The following KLRG1 variants were observed in gnomAD, a reference collection of about 807,000 sequenced individuals.
The protein encoded by KLRG1 is killer cell lectin like receptor G1.
In KLRG1, 16 loss-of-function variants were observed where a neutral mutation model predicts 21.8. The ratio of observed to expected loss-of-function variants is 0.73; its 90% CI spans 0.50 to 1.11. The LOEUF (loss-of-function observed/expected upper bound fraction) is 1.11, where lower values mean the gene tolerates loss of function less well. Among genes scored for constraint, KLRG1 ranks in the 50% most tolerant of loss-of-function variants. The probability of loss-of-function intolerance (pLI) is 0.00; values close to 1 mark genes in which losing one functional copy is unlikely to be tolerated. For synonymous variants in KLRG1, 69 were observed against 75.9 expected (o/e 0.91, Z 0.47); for missense variants, 173 against 218.3 (o/e 0.79, Z 1.31).
chr12:9,179,409 AAAAT>A, the KLRG1 span, among the ~76,000 whole-genome samples: 1 of 152,318 alleles, frequency 6.6e-6, no homozygotes, highest in East Asian at 1.9e-4. Context: ...TAATAATAAT[AAAAT>A]AAATAAATCA....
the KLRG1 span, among the ~76,000 whole-genome samples, chr12:9,080,934 A>G: frequency 2.0e-5 from 3 of 152,194 alleles, no homozygotes; most frequent in Non-Finnish European, 4.4e-5. Flanking sequence ...TGCTTGACTC[A>G]CTGAAAATAA....
At chr12:9,151,363 T>A in the KLRG1 span, among the ~76,000 whole-genome samples, 2 of 152,258 alleles carry the variant, frequency 1.3e-5, no homozygotes, top group Non-Finnish European at 2.9e-5. Flanking sequence ...TTTTTTCTAT[T>A]GATTTTGTAC....
At chr12:9,160,486 G>A in the KLRG1 span, 2 of 1,610,476 alleles carry the variant, frequency 1.2e-6, no homozygotes, top group African/African-American at 2.7e-5. Context: ...AACCTAATAT[G>A]TCACCTGGGG....
At chr12:9,085,544 C>T in the KLRG1 span, among the ~76,000 whole-genome samples, 7 of 151,292 alleles carry the variant, frequency 4.6e-5, no homozygotes, top group Non-Finnish European at 1.0e-4. Flanking sequence ...ACAATAAACA[C>T]CAAAAAAGAA....
intron 3 of KLRG1, among the ~76,000 whole-genome samples, chr12:9,004,356 C>G (rs943497562): frequency 6.6e-6 from 1 of 152,216 alleles, no homozygotes; most frequent in African/African-American, 2.4e-5. Flanking sequence ...CACATCCTCT[C>G]CAGCACCTGT....
At chr12:9,203,443 G>A in the KLRG1 span, among the ~76,000 whole-genome samples, 16 of 147,878 alleles carry the variant, frequency 1.1e-4, no homozygotes, top group African/African-American at 4.0e-4. Flanking sequence ...CCGGGTTCAC[G>A]CCATTCTCCT....
the KLRG1 span, among the ~76,000 whole-genome samples, chr12:9,159,651 GAGA>G: frequency 6.6e-6 from 1 of 151,790 alleles, no homozygotes; most frequent in Non-Finnish European, 1.5e-5. Flanking sequence ...AAGAAAAGAA[GAGA>G]AGGAGAGACC....
the KLRG1 span, among the ~76,000 whole-genome samples, chr12:9,020,062 T>C: frequency 3.8e-4 from 57 of 150,156 alleles, no homozygotes; most frequent in Non-Finnish European, 5.6e-4. Flanking sequence ...TATATATATA[T>C]ACACACACAC....
chr12:8,963,388 T>C (rs1019366304), intron 1 of KLRG1, among the ~76,000 whole-genome samples: 37 of 152,248 alleles, frequency 2.4e-4, no homozygotes, highest in African/African-American at 8.2e-4. Flanking sequence ...TGAAGCCCAC[T>C]TGATCATGGT....
the KLRG1 span, among the ~76,000 whole-genome samples, chr12:9,146,397 G>A: frequency 1.1e-4 from 16 of 151,698 alleles, no homozygotes; most frequent in South Asian, 2.1e-4. Flanking sequence ...TGGTTTTGTT[G>A]AAATTCTCAC....
the KLRG1 span, among the ~76,000 whole-genome samples, chr12:9,024,030 T>A: frequency 7.5e-6 from 1 of 134,176 alleles, no homozygotes; most frequent in Non-Finnish European, 1.6e-5. Context: ...TTTTTTTTTT[T>A]TTTTTTTTTT....
chr12:9,187,537 C>A, the KLRG1 span, among the ~76,000 whole-genome samples: 1 of 152,132 alleles, frequency 6.6e-6, no homozygotes, highest in Non-Finnish European at 1.5e-5. Flanking sequence ...TCACTCAAAA[C>A]CATACAATTA....
At chr12:8,955,788 A>G (rs1167809150) in intron 1 of KLRG1, among the ~76,000 whole-genome samples, 1 of 152,014 alleles carries the variant, frequency 6.6e-6, no homozygotes, top group African/African-American at 2.4e-5. Flanking sequence ...GAAGCAGACA[A>G]ATTCCTAGGT....
At chr12:8,996,651 A>G (rs1947140249) in intron 3 of KLRG1, 1 of 152,166 alleles carries the variant, frequency 6.6e-6, no homozygotes, top group Non-Finnish European at 1.5e-5. Flanking sequence ...CATAGAATCT[A>G]AACTCTAAAT....
chr12:9,147,051 G>A, the KLRG1 span, among the ~76,000 whole-genome samples: 1 of 152,202 alleles, frequency 6.6e-6, no homozygotes, highest in Non-Finnish European at 1.5e-5. Flanking sequence ...GCTAGACTGT[G>A]CAGACTCATC....
chr12:9,074,808 A>T, the KLRG1 span: 1 of 1,571,832 alleles, frequency 6.4e-7, no homozygotes, highest in Admixed American at 1.8e-5. Context: ...AAAGATATTT[A>T]TAAGTGCCTA....
At chr12:9,163,882 G>T in the KLRG1 span, 1,223 of 1,428,410 alleles carry the variant, frequency 8.6e-4, 1 homozygote, top group South Asian at 1.5e-3. Context: ...GTCCAGAATA[G>T]AAAATAAGGC....
At chr12:9,145,942 A>G in the KLRG1 span, among the ~76,000 whole-genome samples, 60,004 of 151,938 alleles carry the variant, frequency 0.39, 12,304 homozygotes, top group Non-Finnish European at 0.45. Flanking sequence ...CTTACAAGTC[A>G]CTGTTCTCTT....
intron 3 of KLRG1, among the ~76,000 whole-genome samples, chr12:9,002,668 A>C (rs1339201032): frequency 6.6e-6 from 1 of 151,922 alleles, no homozygotes; most frequent in African/African-American, 2.4e-5. Context: ...CTAGGCTCAA[A>C]TGACCCTCCT....
Sources: allele counts gnomAD v4.1 joint callset (sites outside exome capture counted in the v4.1 genomes callset), GRCh38; gene constraint gnomAD v4.1.1; transcripts MANE v1.5; gene names NCBI Gene and HGNC (gene_info 2026-07-23, HGNC 2026-07-21).